Variants in RELN observed in about 807,000 individuals in gnomAD.
RELN encodes the protein reelin.
In RELN, 108 loss-of-function variants were observed where a neutral mutation model predicts 427.6. The ratio of observed to expected loss-of-function variants is 0.25; its 90% confidence interval spans 0.22 to 0.30. The LOEUF (loss-of-function observed/expected upper bound fraction) is 0.30, where lower values mean the gene tolerates loss of function less well. RELN is among the 10% of genes least tolerant of loss of function. The probability of loss-of-function intolerance (pLI) is 1.00; values close to 1 mark genes in which losing one functional copy is unlikely to be tolerated. For synonymous variants in RELN, 1,524 were observed against 1,513.4 expected (o/e 1.01, Z -0.16); for missense variants, 3,715 against 4,302.8 (o/e 0.86, Z 3.82).
intron 2 of RELN, among the ~76,000 whole-genome samples, chr7:103,838,697 T>G (rs1004340449): frequency 6.6e-6 from 1 of 152,092 alleles, no homozygotes; most frequent in Non-Finnish European, 1.5e-5. Context: ...CACAGTCCTG[T>G]GGGAAGGGAA....
intron 50 of RELN, chr7:103,513,525 C>G (rs1461779431): frequency 1.3e-5 from 2 of 152,150 alleles, no homozygotes; most frequent in Non-Finnish European, 2.9e-5. Flanking sequence ...ATTTCAATAA[C>G]CTTCTTAAGA....
At chr7:103,733,335 G>A (rs1356017312) in intron 6 of RELN, among the ~76,000 whole-genome samples, 30 of 149,352 alleles carry the variant, frequency 2.0e-4, no homozygotes, top group Non-Finnish European at 4.0e-4. Context: ...CTTTTACACT[G>A]TAGGTGGGAC....
At chr7:103,837,980 G>C (rs181030605) in intron 2 of RELN, among the ~76,000 whole-genome samples, 2 of 152,158 alleles carry the variant, frequency 1.3e-5, no homozygotes, top group East Asian at 3.9e-4. Context: ...GGCCGAGGTG[G>C]GTGGATCATG....
At chr7:103,558,123 T>A in intron 36 of RELN, 74 bp from the exon 37 acceptor site, 1 of 749,088 alleles carries the variant, frequency 1.3e-6, no homozygotes, top group Non-Finnish European at 2.4e-6. Flanking sequence ...TTTATACACC[T>A]AACTTGCATT....
intron 47 of RELN, among the ~76,000 whole-genome samples, chr7:103,522,832 CACACAG>C (rs199725086): frequency 0.036 from 2,822 of 77,576 alleles, 135 homozygotes; most frequent in East Asian, 0.18. Flanking sequence ...CTCACACAGA[CACACAG>C]ACACACACAC....
In RELN at chr7:103,566,679, G is replaced by A; in HGVS notation, c.4669C>T (p.Pro1557Ser). Residue 1557 changes from proline (P) to serine (S), a missense_variant, in exon 32 of 65, where the codon CCA becomes TCA. This residue lies in a region of RELN where 2,208 missense variants were observed against 2,361.7 expected (regional missense o/e 0.93). Coordinates refer to ENST00000428762, the MANE Select transcript of RELN (RefSeq NM_005045.4). Reference sequence around the variant, plus strand: ...GGCAGGTCAATGGAAATGATCTGTGGTTCCAGGAAGGACATGAAGTCCAAC... The same window carrying A: ...GGCAGGTCAATGGAAATGATCTGTGATTCCAGGAAGGACATGAAGTCCAAC... ...RELDFMSFLE[P>S]QIISIDLPQD... The A allele has an allele frequency of 1.2e-6, 2 of 1,614,104 alleles. No individual in the cohort carries two copies. The highest frequency in any genetic ancestry group is 1.7e-6 in the Non-Finnish European group (2 of 1,179,956).
rs1323771128 is a variant in RELN, at chr7:103,569,044, G to GCTT, written c.4589-2288_4589-2286dup. Among the ~76,000 whole-genome samples, 6 of 152,184 alleles carry GCTT rather than the reference G, an allele frequency of 3.9e-5. No homozygotes were observed. Among genetic ancestry groups the GCTT allele is most frequent in the Admixed American group, 1.3e-4 (2 of 15,274 alleles). Reference sequence around the variant, plus strand: ...TGAGTGTGGATAGTTTTAGTAACTTGCTTCTAATGAATAGAATATGGTGGA... The same window carrying GCTT: ...TGAGTGTGGATAGTTTTAGTAACTTGCTTCTTCTAATGAATAGAATATGGTGGA... On this transcript the variant is annotated intron_variant, in intron 31 of 64. Coordinates refer to ENST00000428762, the MANE Select transcript of RELN (RefSeq NM_005045.4). This position sits in a 1 kb window ranked among gnomAD's most constrained non-coding sequence, Gnocchi z 4.0.
chr7:103,894,271 C>A (rs958285397), intron 2 of RELN, among the ~76,000 whole-genome samples: 2 of 152,086 alleles, frequency 1.3e-5, no homozygotes, highest in Admixed American at 1.3e-4. Flanking sequence ...AGATTTTTGA[C>A]CTATAGTATA....
intron 3 of RELN, among the ~76,000 whole-genome samples, chr7:103,815,673 A>G (rs1792852396): frequency 6.6e-6 from 1 of 152,238 alleles, no homozygotes; most frequent in African/African-American, 2.4e-5. Flanking sequence ...GTGCTGTAAT[A>G]ACAGTTTTGG....
At chr7:103,769,721 A>G (rs140593188) in intron 4 of RELN, among the ~76,000 whole-genome samples, 91 of 152,284 alleles carry the variant, frequency 6.0e-4, no homozygotes, top group African/African-American at 2.1e-3. Context: ...GTGTCCTCCT[A>G]TTGAACATAA....
intron 8 of RELN, among the ~76,000 whole-genome samples, chr7:103,717,100 C>T (rs1044554827): frequency 9.2e-5 from 14 of 151,966 alleles, no homozygotes; most frequent in South Asian, 6.2e-4. Flanking sequence ...TGTCAAATTG[C>T]GCATTTTAAT....
At position 103,661,065 on chromosome 7, in the gene RELN, C is replaced by T. The variant is rs73406715; in HGVS notation, c.1441+311G>A. Reference sequence around the variant, plus strand: ...TGGGGGGAAGCTGGGAAAAAGAAATCGCTTTGTTTTAGCTTATCTCTCATT... The same window carrying T: ...TGGGGGGAAGCTGGGAAAAAGAAATTGCTTTGTTTTAGCTTATCTCTCATT... On this transcript the variant is annotated intron_variant, in intron 12 of 64. Coordinates refer to ENST00000428762, the MANE Select transcript of RELN (RefSeq NM_005045.4). Among the ~76,000 whole-genome samples, 1,473 of 152,180 alleles carry T rather than the reference C, an allele frequency of 9.7e-3. 26 individuals carry two copies. The highest frequency in any genetic ancestry group is 0.034 in the African/African-American group (1,416 of 41,516).
At chr7:103,856,510 A>AGTGATCCAAGATTGCC (rs1402070804) in intron 2 of RELN, among the ~76,000 whole-genome samples, 1 of 148,446 alleles carries the variant, frequency 6.7e-6, no homozygotes, top group Admixed American at 6.9e-5. Flanking sequence ...CGGAGATTGC[A>AGTGATCCAAGATTGCC]GTGATCCAAG....
chr7:103,640,755 G>T lies in RELN; in HGVS notation c.2003-146C>A. The T allele has an allele frequency of 1.3e-6, 1 of 768,560 alleles. No individual in the cohort carries two copies. Among genetic ancestry groups the T allele is most frequent in the Non-Finnish European group, 2.2e-6 (1 of 447,726 alleles). The allele number at this position is 768,560 out of a possible 1,614,324, so 47.6% of individuals were successfully genotyped here. On this transcript the variant is annotated intron_variant, in intron 16 of 64. Coordinates refer to ENST00000428762, the MANE Select transcript of RELN (RefSeq NM_005045.4). The surrounding 1 kb of genome is among the most constrained non-coding windows in gnomAD (Gnocchi z 4.1). ...TGACATATGGAATGCTGTGTAATAA[G>T]GTAAGTGCTTAGTTACAAAGCTGCT...
rs76773183 is a variant in RELN at position 103,495,058 on chromosome 7, A to G, written c.9369+665T>C. Among the ~76,000 whole-genome samples, 344 of 152,210 alleles carry G rather than the reference A, an allele frequency of 2.3e-3. 1 individual carries two copies. Among genetic ancestry groups the G allele is most frequent in the African/African-American group, 7.9e-3 (330 of 41,534 alleles). ...GCAGAGTGCCCTATTTGAGCTTTCTATTTACAAGGGTAGGGAGACTGAAAT... is the reference window on the plus strand; with the variant it reads ...GCAGAGTGCCCTATTTGAGCTTTCTGTTTACAAGGGTAGGGAGACTGAAAT... On this transcript the variant is annotated intron_variant, in intron 57 of 64. Transcript: ENST00000428762.
rs538756392 is a variant in RELN at position 103,589,345 on chromosome 7, C to T, written c.4145+251G>A. ...ATAAATGTTAAGCCATTGCAACAGT[C>T]TTTAGTATATCTGAATGTTTATGCT... On this transcript the variant is annotated intron_variant, in intron 28 of 64. Transcript: ENST00000428762. 4.6e-5 allele frequency among the ~76,000 whole-genome samples: 7 copies of T among 152,262 alleles called. No homozygotes were observed. In the South Asian group the frequency reaches 1.5e-3, roughly 32 times the overall value.
chr7:103,965,817 A>G (rs529850082), intron 1 of RELN, among the ~76,000 whole-genome samples: 7 of 152,272 alleles, frequency 4.6e-5, no homozygotes, highest in African/African-American at 1.7e-4. Context: ...TTTATTTTAT[A>G]CCCCAAAATT....
At chr7:103,658,406 A>T (rs573152842) in intron 12 of RELN, among the ~76,000 whole-genome samples, 1 of 152,170 alleles carries the variant, frequency 6.6e-6, no homozygotes, top group East Asian at 1.9e-4. Flanking sequence ...ATCTCTTTCC[A>T]TATGGCTTTA....
intron 12 of RELN, among the ~76,000 whole-genome samples, chr7:103,660,340 A>G (rs1584385065): frequency 1.3e-5 from 2 of 152,304 alleles, no homozygotes; most frequent in South Asian, 2.1e-4. Context: ...CTTTAAATAG[A>G]CAAACCAGTT....
Sources: allele counts gnomAD v4.1 joint callset (sites outside exome capture counted in the v4.1 genomes callset), GRCh38; gene constraint gnomAD v4.1.1; regional missense constraint gnomAD v4.1.1; non-coding constraint Gnocchi (gnomAD v3.1); transcripts MANE v1.5; gene names NCBI Gene and HGNC (gene_info 2026-07-23, HGNC 2026-07-21).